Variants in NELL1 observed in about 807,000 individuals in gnomAD.
The protein encoded by NELL1 is neural EGFL like 1, also known as protein kinase C-binding protein NELL1.
A neutral mutation model predicts 107.4 loss-of-function variants in NELL1; 76 were observed. The ratio of observed to expected loss-of-function variants is 0.71; its 90% CI spans 0.59 to 0.86. The LOEUF is 0.86. NELL1 is among the 40% of genes least tolerant of loss of function. The pLI is 0.00. For synonymous variants in NELL1, 353 were observed against 341.2 expected, an observed-to-expected ratio of 1.03 and a Z score of -0.38; for missense variants, 1,024 against 1,005.5, an observed-to-expected ratio of 1.02 and a Z score of -0.25.
chr11:20,873,744 T>C (rs1042140575), intron 4 of NELL1, among the ~76,000 whole-genome samples: 1 of 151,258 alleles, frequency 6.6e-6, no homozygotes, highest in Non-Finnish European at 1.5e-5. Flanking sequence ...GCTGTTTGTG[T>C]AACCCACTGG....
At chr11:21,496,854 CTA>C (rs1854993510) in intron 15 of NELL1, among the ~76,000 whole-genome samples, 1 of 152,080 alleles carries the variant, frequency 6.6e-6, no homozygotes, top group Admixed American at 6.5e-5. Context: ...CAATTCCCAC[CTA>C]TGAGTGAGGA....
chr11:21,115,916 T>G (rs1027386911), intron 13 of NELL1, among the ~76,000 whole-genome samples: 1 of 151,128 alleles, frequency 6.6e-6, no homozygotes, highest in South Asian at 2.1e-4. Context: ...ATAGGTGAGG[T>G]TTTTTTTTCT....
At chr11:21,240,767 G>A (rs11025991) in intron 14 of NELL1, among the ~76,000 whole-genome samples, 1 of 97,612 alleles carries the variant, frequency 1.0e-5, no homozygotes, top group Non-Finnish European at 2.6e-5. Flanking sequence ...CCTTTCTAGT[G>A]GGGGGGGGGA....
At chr11:20,909,973 C>T (rs1850088664) in intron 5 of NELL1, among the ~76,000 whole-genome samples, 2 of 152,300 alleles carry the variant, frequency 1.3e-5, no homozygotes, top group South Asian at 4.1e-4. Context: ...CCCCAAAACT[C>T]AGGGGCTTAT....
chr11:21,340,658 CACAG>C (rs1257400459), intron 14 of NELL1, among the ~76,000 whole-genome samples: 1 of 133,298 alleles, frequency 7.5e-6, no homozygotes, highest in African/African-American at 2.7e-5. Flanking sequence ...CACACACACA[CACAG>C]AATGAGAGAG....
chr11:20,962,335 C>G (rs1266744832), intron 12 of NELL1, among the ~76,000 whole-genome samples: 1 of 152,068 alleles, frequency 6.6e-6, no homozygotes, highest in African/African-American at 2.4e-5. Context: ...TGGAAAAATC[C>G]TGTAAGCCAC....
chr11:21,233,010 T>G (rs1204655491), intron 14 of NELL1, among the ~76,000 whole-genome samples: 1 of 152,226 alleles, frequency 6.6e-6, no homozygotes, highest in African/African-American at 2.4e-5. Context: ...GACATGGTAT[T>G]GTTCATAGAC....
chr11:21,196,755 G>C (rs2133842685), intron 13 of NELL1, among the ~76,000 whole-genome samples: 1 of 152,018 alleles, frequency 6.6e-6, no homozygotes, highest in Non-Finnish European at 1.5e-5. Context: ...CAGGAGATTT[G>C]TTTCATTTGT....
At position 21,560,368 on chromosome 11, in the gene NELL1, G is replaced by C. The variant is rs751604045; in HGVS notation, c.1966G>C (p.Val656Leu). The C allele has an allele frequency of 1.3e-6, 2 of 1,584,492 alleles. No individual in the cohort carries two copies. The highest frequency in any genetic ancestry group is 1.8e-5 in the Admixed American group (1 of 55,330). Residue 656 changes from valine to leucine, a missense_variant, in exon 17 of 20, where the codon GTC (valine) becomes CTC (leucine). Physicochemically the swap from Val to Leu is conservative, Grantham distance 32. Transcript: ENST00000357134. ...GACCTTGAAAGAAGACAGGTGTTCT[G>C]TCTGCTCCTGCAAGGTGAGGCTGAT... ...VWTLKEDRCS[V>L]CSCKDGKIFC...
At chr11:21,061,411 A>G (rs1326024427) in intron 12 of NELL1, among the ~76,000 whole-genome samples, 1 of 152,206 alleles carries the variant, frequency 6.6e-6, no homozygotes, top group Non-Finnish European at 1.5e-5. Flanking sequence ...AGAACTTTGA[A>G]GGGTACACAG....
chr11:20,856,816 G>C (rs887484764), intron 4 of NELL1, among the ~76,000 whole-genome samples: 2 of 152,210 alleles, frequency 1.3e-5, no homozygotes, highest in African/African-American at 2.4e-5. Context: ...GTTGAGGTTA[G>C]TGTCTTATGT....
intron 2 of NELL1, among the ~76,000 whole-genome samples, chr11:20,715,321 AG>A (rs1855224398): frequency 2.7e-5 from 4 of 150,358 alleles, no homozygotes; most frequent in Admixed American, 1.3e-4. Context: ...TTTTTTTTAA[AG>A]AATGATTTCA....
chr11:21,288,682 T>G (rs927353952), intron 14 of NELL1, among the ~76,000 whole-genome samples: 3 of 152,358 alleles, frequency 2.0e-5, no homozygotes, highest in Middle Eastern at 6.8e-3. Flanking sequence ...TAAGATTGTT[T>G]TGGTTGTCTA....
At chr11:21,405,396 AT>A (rs67263643) in intron 15 of NELL1, among the ~76,000 whole-genome samples, 99,341 of 151,274 alleles carry the variant, frequency 0.66, 33,136 homozygotes, top group African/African-American at 0.72. Context: ...CAGGATTCCA[AT>A]TTTTTCTGTT....
chr11:20,988,275 A>C (rs930879749), intron 12 of NELL1, among the ~76,000 whole-genome samples: 1 of 152,134 alleles, frequency 6.6e-6, no homozygotes, highest in Non-Finnish European at 1.5e-5. Context: ...TGAATGACCT[A>C]TCATGGTGAA....
At chr11:21,355,026 T>G (rs1445435724) in intron 14 of NELL1, among the ~76,000 whole-genome samples, 1 of 152,208 alleles carries the variant, frequency 6.6e-6, no homozygotes, top group Non-Finnish European at 1.5e-5. Context: ...GAATGCCAAA[T>G]TTTGAACTGC....
At chr11:20,834,700 C>CA (rs11310054) in intron 3 of NELL1, among the ~76,000 whole-genome samples, 540 of 136,982 alleles carry the variant, frequency 3.9e-3, no homozygotes, top group African/African-American at 8.9e-3. Flanking sequence ...GACTCCGTCT[C>CA]AAAAAAAAAA....
rs1852877688 is a variant in NELL1, at chr11:21,428,169, A to G, written c.1645+57221A>G. 2.0e-5 allele frequency among the ~76,000 whole-genome samples: 3 copies of G among 152,166 alleles called. No homozygotes were observed. In the South Asian group the frequency reaches 6.2e-4, roughly 32 times the overall value. On this transcript the variant is annotated intron_variant, in intron 15 of 19. Coordinates refer to ENST00000357134, the MANE Select transcript of NELL1 (RefSeq NM_006157.5). ...CAGATTTTCTAGTTGAAACTTATTT[A>G]AGAGGGAAGGAAGGGAGGGTTAATA...
chr11:21,194,560 C>T (rs1393736246), intron 13 of NELL1, among the ~76,000 whole-genome samples: 1 of 152,102 alleles, frequency 6.6e-6, no homozygotes, highest in Non-Finnish European at 1.5e-5. Flanking sequence ...GACTGGGGTG[C>T]TAGTCCACAC....
Sources: allele counts gnomAD v4.1 joint callset (sites outside exome capture counted in the v4.1 genomes callset), GRCh38; gene constraint gnomAD v4.1.1; transcripts MANE v1.5; gene names NCBI Gene and HGNC (gene_info 2026-07-23, HGNC 2026-07-21).